Variants in TEX36 observed in about 807,000 individuals in gnomAD.
TEX36 encodes the protein testis expressed 36.
In TEX36, 12 loss-of-function variants were observed where a neutral mutation model predicts 13.6. That is an observed-to-expected ratio of 0.88 (90% CI 0.56 to 1.43). The LOEUF (loss-of-function observed/expected upper bound fraction) is 1.43. Ranked by LOEUF, TEX36 falls within the 40% of genes most tolerant of loss-of-function variation. TEX36 has a pLI of 0.00. For synonymous variants in TEX36, 93 were observed against 83.0 expected (o/e 1.12, Z -0.65); for missense variants, 224 against 228.3 (o/e 0.98, Z 0.12).
chr10:125,682,557 A>G (rs1380031698), intron 1 of TEX36, among the ~76,000 whole-genome samples: 1 of 152,240 alleles, frequency 6.6e-6, no homozygotes, highest in Non-Finnish European at 1.5e-5. Context: ...ACATCAGTGA[A>G]TAAAATAGAC....
intron 3 of TEX36, among the ~76,000 whole-genome samples, chr10:125,625,084 G>T (rs2133562936): frequency 6.6e-6 from 1 of 152,284 alleles, no homozygotes; most frequent in South Asian, 2.1e-4. Context: ...GAAAGTCCGT[G>T]CTGACTCTTG....
chr10:125,658,597 C>T (rs1041380150), intron 3 of TEX36, among the ~76,000 whole-genome samples: 8 of 152,014 alleles, frequency 5.3e-5, no homozygotes, highest in African/African-American at 1.9e-4. Context: ...CCACGACACA[C>T]TTGTTAAAGT....
chr10:125,627,007 T>G (rs297243), intron 3 of TEX36, among the ~76,000 whole-genome samples: 10,717 of 152,132 alleles, frequency 0.07, 1,217 homozygotes, highest in African/African-American at 0.24. Context: ...AATGAAAGAA[T>G]AACAGGATCT....
chr10:125,675,221 G>A (rs1014491275), intron 1 of TEX36, among the ~76,000 whole-genome samples: 4 of 152,214 alleles, frequency 2.6e-5, no homozygotes, highest in African/African-American at 9.6e-5. Flanking sequence ...GCTATGCTGT[G>A]CTGTGGGAAA....
intron 3 of TEX36, chr10:125,640,250 T>C (rs962731481): frequency 2.0e-6 from 2 of 979,774 alleles, no homozygotes; most frequent in Non-Finnish European, 2.4e-6. Flanking sequence ...GGGAAGAAAA[T>C]AGGATTTGTG....
At chr10:125,652,736 A>G (rs1846879450), downstream of TEX36, among the ~76,000 whole-genome samples, 1 of 152,244 alleles carries the variant, frequency 6.6e-6, no homozygotes, top group African/African-American at 2.4e-5. Context: ...CAATCTACCC[A>G]TCTGACAAAG....
chr10:125,678,333 G>T (rs1042645019), intron 1 of TEX36, among the ~76,000 whole-genome samples: 2 of 152,152 alleles, frequency 1.3e-5, no homozygotes, highest in African/African-American at 4.8e-5. Flanking sequence ...TTAGGGTGTG[G>T]TTAACAGTAG....
chr10:125,643,639 G>A (rs1846723690), intron 3 of TEX36, among the ~76,000 whole-genome samples: 1 of 152,072 alleles, frequency 6.6e-6, no homozygotes, highest in Admixed American at 6.5e-5. Context: ...CTACTTGGGA[G>A]GCTGAGGCAG....
chr10:125,661,714 A>T, intron 2 of TEX36, 132 bp downstream of exon 2: 3 of 1,233,036 alleles, frequency 2.4e-6, no homozygotes, highest in Non-Finnish European at 3.3e-6. Context: ...GATACTACCA[A>T]CCCTTAGGGG....
chr10:125,617,367 G>T (rs1275673206), downstream of TEX36, among the ~76,000 whole-genome samples: 1 of 152,204 alleles, frequency 6.6e-6, no homozygotes, highest in African/African-American at 2.4e-5. Context: ...TGTTGATGCA[G>T]TTTCTTCGTG....
chr10:125,618,338 G>A (rs1030975689), downstream of TEX36, among the ~76,000 whole-genome samples: 12 of 148,716 alleles, frequency 8.1e-5, no homozygotes, highest in South Asian at 2.1e-4. Context: ...GAGGAACTGC[G>A]TTCCTTTGGA....
At chr10:125,603,305 C>T (rs1008542110) in intron 3 of TEX36, among the ~76,000 whole-genome samples, 2 of 152,194 alleles carry the variant, frequency 1.3e-5, no homozygotes, top group South Asian at 2.1e-4. Context: ...CCTGTGCCCC[C>T]ATCCCTGCAC....
intron 3 of TEX36, among the ~76,000 whole-genome samples, chr10:125,577,971 T>G (rs1367163998): frequency 6.6e-6 from 1 of 152,220 alleles, no homozygotes; most frequent in East Asian, 1.9e-4. Flanking sequence ...AATGTCATAT[T>G]CTATGAGAGC....
At chr10:125,614,416 T>C (rs1043978838) in intron 3 of TEX36, among the ~76,000 whole-genome samples, 2 of 151,946 alleles carry the variant, frequency 1.3e-5, no homozygotes, top group Non-Finnish European at 2.9e-5. Flanking sequence ...TGGTTTTAGG[T>C]CTAACGTTTA....
At chr10:125,609,955 A>G (rs1332727721) in intron 3 of TEX36, among the ~76,000 whole-genome samples, 1 of 152,214 alleles carries the variant, frequency 6.6e-6, no homozygotes, top group Non-Finnish European at 1.5e-5. Context: ...AACCTGCCAA[A>G]ACCAAGATGG....
At chr10:125,650,526 A>G (rs1236309500) in intron 3 of TEX36, among the ~76,000 whole-genome samples, 1 of 152,240 alleles carries the variant, frequency 6.6e-6, no homozygotes, top group African/African-American at 2.4e-5. Flanking sequence ...ATAGCACTAA[A>G]TGCCCACAAG....
chr10:125,587,786 T>TAAAAAA (rs56198506), intron 3 of TEX36, among the ~76,000 whole-genome samples: 15 of 101,870 alleles, frequency 1.5e-4, no homozygotes, highest in Non-Finnish European at 1.8e-4. Context: ...GTCTCAAAAT[T>TAAAAAA]AAAAAAAAAA....
At position 125,626,520 on chromosome 10, in the gene TEX36, G is replaced by T. The variant is rs571644010; in HGVS notation, c.265-4875C>A. ...CATCCAACAGACATCGTGAATGCTT[G>T]CTCCACACAGAAGTGAAGATATAAT... On this transcript the variant is annotated intron_variant, in intron 3 of 3. Coordinates refer to the TEX36 transcript ENST00000526819. Among the ~76,000 whole-genome samples the T allele has an allele frequency of 3.3e-5, 5 of 152,304 alleles. No individual in the cohort carries two copies. The South Asian group carries it at 6.2e-4, about 19-fold the overall frequency.
At chr10:125,621,394 C>T (rs1007761342), downstream of TEX36, among the ~76,000 whole-genome samples, 2 of 151,976 alleles carry the variant, frequency 1.3e-5, no homozygotes, top group African/African-American at 4.8e-5. Context: ...GTCATCCTGA[C>T]AGATGAGAGC....
Sources: gnomAD v4.1 joint callset for allele counts (sites outside exome capture counted in the v4.1 genomes callset) on GRCh38, gnomAD v4.1.1 for gene constraint, MANE v1.5 for transcripts, NCBI Gene and HGNC (gene_info 2026-07-23, HGNC 2026-07-21) for gene names.